ELP4: variants seen among roughly 807,000 people sequenced by gnomAD.
ELP4 encodes the protein elongator complex protein 4.
ELP4 carries 51 observed loss-of-function variants against 48.9 expected under a neutral mutation model. That is an observed-to-expected ratio of 1.04 (90% confidence interval 0.83 to 1.32). The LOEUF is 1.32. ELP4 is among the 40% of genes most tolerant of loss of function. ELP4 has a pLI of 0.00. For synonymous variants in ELP4, 210 were observed against 189.2 expected, an observed-to-expected ratio of 1.11 and a Z score of -0.90; for missense variants, 519 against 514.6, an observed-to-expected ratio of 1.01 and a Z score of -0.08.
chr11:31,603,832 A>T lies in ELP4; in HGVS notation c.578A>T (p.Glu193Val), dbSNP rs1285862481. The change falls in exon 5 of 10, where the codon GAA becomes GTA. Residue 193 changes from glutamate (E) to valine (V), a missense_variant. By Grantham distance (121) the Glu-to-Val change is moderately radical (BLOSUM62 -2). Coordinates refer to ENST00000640961, the MANE Select transcript of ELP4 (RefSeq NM_019040.5). ...GATGCATCAAAAAGAATGCCACAAGAACTAATTGAGGCTTCAAATTGGCAT... is the reference window on the plus strand; with the variant it reads ...GATGCATCAAAAAGAATGCCACAAGTACTAATTGAGGCTTCAAATTGGCAT... ...YYDASKRMPQ[E>V]LIEASNWHGF... is the part of the protein sequence containing the mutation. The T allele has an allele frequency of 6.2e-7, 1 of 1,611,288 alleles. No individual in the cohort carries two copies. Among genetic ancestry groups the T allele is most frequent in the East Asian group, 2.2e-5 (1 of 44,702 alleles).
chr11:31,741,382 A>G (rs1437258021), intron 9 of ELP4, among the ~76,000 whole-genome samples: 1 of 152,212 alleles, frequency 6.6e-6, no homozygotes, highest in African/African-American at 2.4e-5. Flanking sequence ...CCTGTCTGAC[A>G]GCTTTGAAGA....
intron 3 of ELP4, among the ~76,000 whole-genome samples, chr11:31,546,283 G>C (rs1215394769): frequency 3.3e-5 from 5 of 151,996 alleles, no homozygotes; most frequent in Admixed American, 6.6e-5. Flanking sequence ...TAAAAGGATG[G>C]AGGAAGATCT....
At chr11:31,538,978 A>G (rs1245955530) in intron 2 of ELP4, among the ~76,000 whole-genome samples, 2 of 152,188 alleles carry the variant, frequency 1.3e-5, no homozygotes, top group East Asian at 3.9e-4. Flanking sequence ...ATGGGCCTAT[A>G]AAGTGGGAAT....
intron 9 of ELP4, among the ~76,000 whole-genome samples, chr11:31,727,574 T>C (rs557928426): frequency 6.6e-6 from 1 of 152,304 alleles, no homozygotes; most frequent in East Asian, 1.9e-4. Flanking sequence ...CTTCCAAACA[T>C]TTATTAATGT....
intron 3 of ELP4, among the ~76,000 whole-genome samples, chr11:31,552,138 G>C (rs566637363): frequency 8.2e-4 from 124 of 152,004 alleles, no homozygotes; most frequent in African/African-American, 2.8e-3. Context: ...TCTTCCCTTG[G>C]TTTCCAGGAT....
chr11:31,574,500 G>A (rs1374089712), intron 3 of ELP4, among the ~76,000 whole-genome samples: 2 of 152,204 alleles, frequency 1.3e-5, no homozygotes, highest in South Asian at 4.1e-4. Flanking sequence ...CTGGGTCCCT[G>A]ACCCCTGAGT....
In ELP4 at chr11:31,698,846, G is replaced by A. The variant is rs78914774; in HGVS notation, c.1143+48625G>A. Among the ~76,000 whole-genome samples the A allele has an allele frequency of 2.1e-4, 32 of 152,186 alleles. No individual in the cohort carries two copies. In the East Asian group the frequency reaches 6.2e-3, roughly 29 times the overall value. On this transcript the variant is annotated intron_variant, in intron 9 of 9. Transcript: ENST00000640961. ...TGTATGAAGATCTTACAAGACTAAGGCTAAAAGAGATTAACATCAAAATAC... is the reference window on the plus strand; with the variant it reads ...TGTATGAAGATCTTACAAGACTAAGACTAAAAGAGATTAACATCAAAATAC...
intron 9 of ELP4, among the ~76,000 whole-genome samples, chr11:31,714,389 T>C (rs1480235239): frequency 3.3e-5 from 5 of 152,186 alleles, no homozygotes; most frequent in Non-Finnish European, 7.3e-5. Flanking sequence ...AAAGTAAATG[T>C]TAGTAATGAC....
intron 9 of ELP4, among the ~76,000 whole-genome samples, chr11:31,665,639 T>G (rs1397420731): frequency 2.0e-5 from 3 of 151,038 alleles, no homozygotes; most frequent in African/African-American, 7.3e-5. Context: ...ATAAAAATGT[T>G]TAATCGTCTC....
chr11:31,576,691 A>G (rs1957285880), intron 3 of ELP4, among the ~76,000 whole-genome samples: 2 of 152,192 alleles, frequency 1.3e-5, no homozygotes, highest in South Asian at 2.1e-4. Context: ...CTGAATGACT[A>G]CTGGGTACAT....
At chr11:31,655,113 T>C (rs1945402011) in intron 9 of ELP4, among the ~76,000 whole-genome samples, 1 of 151,984 alleles carries the variant, frequency 6.6e-6, no homozygotes, top group Non-Finnish European at 1.5e-5. Flanking sequence ...GGAAATCTAA[T>C]TTTTTACATG....
At chr11:31,677,395 T>C (rs914866662) in intron 9 of ELP4, among the ~76,000 whole-genome samples, 8 of 152,178 alleles carry the variant, frequency 5.3e-5, no homozygotes, top group African/African-American at 1.7e-4. Flanking sequence ...TTCAAGTAGA[T>C]TAATTTTAGT....
chr11:31,768,295 G>A (rs1289542115), intron 9 of ELP4, among the ~76,000 whole-genome samples: 1 of 152,088 alleles, frequency 6.6e-6, no homozygotes, highest in Non-Finnish European at 1.5e-5. Context: ...ATATCACCTA[G>A]GTGTTAATTT....
intron 9 of ELP4, among the ~76,000 whole-genome samples, chr11:31,760,189 G>T (rs1339899007): frequency 6.6e-6 from 1 of 152,174 alleles, no homozygotes; most frequent in Non-Finnish European, 1.5e-5. Flanking sequence ...CAGTGCTAGG[G>T]AAAGAGAAGC....
At chr11:31,620,384 A>G (rs1944594611) in intron 5 of ELP4, among the ~76,000 whole-genome samples, 1 of 152,062 alleles carries the variant, frequency 6.6e-6, no homozygotes. Context: ...AGACAATGAT[A>G]TAGAGATCTC....
In ELP4 at chr11:31,637,354, T is replaced by A. The variant is rs1945002584; in HGVS notation, c.927+4949T>A. On this transcript the variant is annotated intron_variant, in intron 7 of 9. Coordinates refer to ENST00000640961, the MANE Select transcript of ELP4 (RefSeq NM_019040.5). ...AACTGTTCAAAACTCTGTTGTTGAATGAAGGAGGTTGTCGTGGATTGAAAG... is the reference window on the plus strand; with the variant it reads ...AACTGTTCAAAACTCTGTTGTTGAAAGAAGGAGGTTGTCGTGGATTGAAAG... 2.0e-5 allele frequency: 3 copies of A among 151,884 alleles called. No homozygotes were observed. The South Asian group carries it at 6.2e-4, about 32-fold the overall frequency. The allele number at this position is 151,884 out of a possible 1,614,324, so 9.4% of individuals were successfully genotyped here.
chr11:31,591,272 G>A (rs1214728158), intron 3 of ELP4, among the ~76,000 whole-genome samples: 2 of 151,940 alleles, frequency 1.3e-5, no homozygotes, highest in South Asian at 2.1e-4. Flanking sequence ...CAGGCGTGGT[G>A]GTGGGTGCCT....
chr11:31,631,376 T>C (rs1310291480), intron 6 of ELP4, among the ~76,000 whole-genome samples: 1 of 152,178 alleles, frequency 6.6e-6, no homozygotes, highest in Non-Finnish European at 1.5e-5. Context: ...ATTCTAATAA[T>C]GAATTTTCAA....
intron 5 of ELP4, among the ~76,000 whole-genome samples, chr11:31,620,122 T>C (rs926068030): frequency 1.3e-5 from 2 of 151,940 alleles, no homozygotes; most frequent in African/African-American, 4.8e-5. Context: ...AGGATATGTA[T>C]AGTGGGAATA....
Sources: gnomAD v4.1 joint callset for allele counts (sites outside exome capture counted in the v4.1 genomes callset) on GRCh38, gnomAD v4.1.1 for gene constraint, MANE v1.5 for transcripts, NCBI Gene and HGNC (gene_info 2026-07-23, HGNC 2026-07-21) for gene names.